The following NTNG1 variants were observed in gnomAD, a reference collection of about 807,000 sequenced individuals.
The protein encoded by NTNG1 is netrin G1, also known as netrin-G1.
In NTNG1, 16 loss-of-function variants were observed where a neutral mutation model predicts 54.0. That is an observed-to-expected ratio of 0.30 (90% CI 0.20 to 0.45). NTNG1 has a LOEUF of 0.45. NTNG1 is among the 20% of genes least tolerant of loss of function. The probability of loss-of-function intolerance (pLI) is 1.00; values close to 1 mark genes in which losing one functional copy is unlikely to be tolerated. For synonymous variants in NTNG1, 255 were observed against 263.1 expected (o/e 0.97, Z 0.30); for missense variants, 530 against 678.7 (o/e 0.78, Z 2.43).
chr1:107,471,302 CAG>C (rs534846917), intron 7 of NTNG1, among the ~76,000 whole-genome samples: 8 of 152,306 alleles, frequency 5.3e-5, no homozygotes, highest in South Asian at 2.1e-4. Flanking sequence ...TGCTGTCACA[CAG>C]AGTCTCGCCA....
At chr1:107,294,132 G>A (rs2101775743) in intron 2 of NTNG1, among the ~76,000 whole-genome samples, 1 of 152,292 alleles carries the variant, frequency 6.6e-6, no homozygotes, top group Non-Finnish European at 1.5e-5. Flanking sequence ...CTCCTAGTTG[G>A]CAGAGCAGTG....
At chr1:107,259,318 C>G (rs1481817836) in intron 2 of NTNG1, among the ~76,000 whole-genome samples, 1 of 151,926 alleles carries the variant, frequency 6.6e-6, no homozygotes, top group Non-Finnish European at 1.5e-5. Flanking sequence ...ATCAAGGTAG[C>G]AAGTGTGTTC....
At chr1:107,300,360 T>C (rs1666246025) in intron 2 of NTNG1, among the ~76,000 whole-genome samples, 1 of 152,094 alleles carries the variant, frequency 6.6e-6, no homozygotes, top group African/African-American at 2.4e-5. Flanking sequence ...ATGAGAGAAT[T>C]TGGCAATATT....
chr1:107,431,596 C>T (rs191932092), intron 6 of NTNG1, among the ~76,000 whole-genome samples: 27 of 152,264 alleles, frequency 1.8e-4, no homozygotes, highest in African/African-American at 6.0e-4. Flanking sequence ...CCACCAATGA[C>T]TACTGCTCTT....
intron 5 of NTNG1, among the ~76,000 whole-genome samples, chr1:107,421,894 T>C (rs1041630617): frequency 1.3e-5 from 2 of 152,112 alleles, no homozygotes; most frequent in Non-Finnish European, 2.9e-5. Flanking sequence ...GTTTTTTGTT[T>C]TTTCATAAAA....
intron 3 of NTNG1, among the ~76,000 whole-genome samples, chr1:107,388,986 C>T (rs529083859): frequency 6.6e-6 from 1 of 152,292 alleles, no homozygotes; most frequent in East Asian, 1.9e-4. Context: ...AGGGAAGAGG[C>T]GCAAGCAGAG....
chr1:107,390,209 C>G (rs1325377901), intron 3 of NTNG1, among the ~76,000 whole-genome samples: 1 of 152,118 alleles, frequency 6.6e-6, no homozygotes, highest in African/African-American at 2.4e-5. Context: ...AATTGTTACA[C>G]TGACTAAGCA....
chr1:107,290,491 C>A (rs567140658), intron 2 of NTNG1, among the ~76,000 whole-genome samples: 1 of 152,140 alleles, frequency 6.6e-6, no homozygotes, highest in South Asian at 2.1e-4. Context: ...AAATCTGCTT[C>A]ATTTGCAAAA....
Position 107,273,383 on chromosome 1 carries a change from C to G in NTNG1, c.247-50899C>G, listed in dbSNP as rs144755783. Among the ~76,000 whole-genome samples the G allele has an allele frequency of 3.5e-4, 53 of 152,306 alleles. No individual in the cohort carries two copies. The East Asian group carries it at 9.6e-3, about 28-fold the overall frequency. On this transcript the variant is annotated intron_variant, in intron 2 of 7. Transcript: ENST00000370068. ...TATAAACTACTGAAGTTATTTAAAT[C>G]TCCCCTCTGAGAATTCTTAAGGGAA...
At chr1:107,431,355 C>T (rs1675254249) in intron 6 of NTNG1, among the ~76,000 whole-genome samples, 2 of 151,936 alleles carry the variant, frequency 1.3e-5, no homozygotes, top group Admixed American at 6.6e-5. Context: ...TGGTGATCAA[C>T]GAGTATTGAT....
chr1:107,399,376 T>C (rs1672881103), intron 4 of NTNG1, among the ~76,000 whole-genome samples: 2 of 152,208 alleles, frequency 1.3e-5, no homozygotes, highest in African/African-American at 4.8e-5. Context: ...CATGGTCTAA[T>C]TGTCTTCAAA....
chr1:107,266,016 G>A (rs1172962014), intron 2 of NTNG1, among the ~76,000 whole-genome samples: 2 of 152,014 alleles, frequency 1.3e-5, no homozygotes, highest in Admixed American at 6.6e-5. Flanking sequence ...TGCTTTCTTT[G>A]CATTTTTTGG....
chr1:107,144,821 C>A (rs1322517320), intron 1 of NTNG1, among the ~76,000 whole-genome samples: 1 of 151,952 alleles, frequency 6.6e-6, no homozygotes, highest in Non-Finnish European at 1.5e-5. Context: ...TACTCACAAC[C>A]TATTAATGGG....
chr1:107,370,946 C>T (rs1369490299), intron 3 of NTNG1, among the ~76,000 whole-genome samples: 1 of 151,992 alleles, frequency 6.6e-6, no homozygotes, highest in South Asian at 2.1e-4. Context: ...TATACTGCAA[C>T]CTTGCTAAAT....
intron 3 of NTNG1, among the ~76,000 whole-genome samples, chr1:107,345,516 C>T (rs1316033237): frequency 6.6e-6 from 1 of 152,104 alleles, no homozygotes. Flanking sequence ...TTGGCTTTCT[C>T]CTTTGAAATG....
chr1:107,353,443 C>T (rs529432169), intron 3 of NTNG1, among the ~76,000 whole-genome samples: 1 of 152,322 alleles, frequency 6.6e-6, no homozygotes, highest in Admixed American at 6.5e-5. Flanking sequence ...GTGACCTTTA[C>T]TCCTGTTCCC....
chr1:107,359,765 A>G (rs764116709), intron 3 of NTNG1, among the ~76,000 whole-genome samples: 39 of 152,138 alleles, frequency 2.6e-4, no homozygotes, highest in Non-Finnish European at 5.1e-4. Context: ...GAGTGCATAC[A>G]CCGTGCTAAT....
chr1:107,480,574 G>GCCC, intron 7 of NTNG1, 37 bp from the exon 8 acceptor site: 1 of 324,106 alleles, frequency 3.1e-6, no homozygotes. Flanking sequence ...TCTCCTCCCC[G>GCCC]CGCCCACCCA....
chr1:107,435,464 C>A (rs942585738), intron 6 of NTNG1, among the ~76,000 whole-genome samples: 1 of 152,018 alleles, frequency 6.6e-6, no homozygotes, highest in Non-Finnish European at 1.5e-5. Context: ...ATGCTGAACT[C>A]GAAACCTGAC....
Sources: gnomAD v4.1 joint callset for allele counts (sites outside exome capture counted in the v4.1 genomes callset) on GRCh38, gnomAD v4.1.1 for gene constraint, MANE v1.5 for transcripts, NCBI Gene and HGNC (gene_info 2026-07-23, HGNC 2026-07-21) for gene names.